ATF7IP2: variants seen among roughly 807,000 people sequenced by gnomAD.
ATF7IP2 encodes activating transcription factor 7-interacting protein 2.
Under a neutral mutation model 64.2 loss-of-function variants are expected in ATF7IP2, and 42 were observed. The observed-to-expected ratio is 0.65, with a 90% CI of 0.51 to 0.85. ATF7IP2 has a LOEUF of 0.85. Among genes scored for constraint, ATF7IP2 ranks in the 40% least tolerant of loss-of-function variants. ATF7IP2 has a pLI of 0.00. For synonymous variants in ATF7IP2, 308 were observed against 272.8 expected (o/e 1.13, Z -1.27); for missense variants, 933 against 784.2 (o/e 1.19, Z -2.27).
At chr16:10,460,947 G>C (rs562576620) in intron 9 of ATF7IP2, among the ~76,000 whole-genome samples, 12 of 152,214 alleles carry the variant, frequency 7.9e-5, no homozygotes, top group African/African-American at 2.6e-4. Context: ...ATAACCTGTA[G>C]AGGACTAGTA....
chr16:10,438,873 T>C (rs902397809), intron 7 of ATF7IP2, among the ~76,000 whole-genome samples: 3 of 151,938 alleles, frequency 2.0e-5, no homozygotes, highest in Non-Finnish European at 4.4e-5. Context: ...GGCAACATAG[T>C]GAAACCCAAT....
chr16:10,438,272 G>C (rs746710772), intron 7 of ATF7IP2, 37 bp downstream of exon 7: 1 of 1,575,420 alleles, frequency 6.3e-7, no homozygotes, highest in South Asian at 1.2e-5. Flanking sequence ...TTTTAGGGGA[G>C]TAGGGGGTGT....
intron 12 of ATF7IP2, among the ~76,000 whole-genome samples, chr16:10,476,236 A>G (rs956787393): frequency 1.3e-5 from 2 of 152,216 alleles, no homozygotes; most frequent in African/African-American, 4.8e-5. Flanking sequence ...GTTTTTGTAA[A>G]AATACCAGTA....
At chr16:10,448,823 T>C (rs574717710) in intron 8 of ATF7IP2, 33 of 152,346 alleles carry the variant, frequency 2.2e-4, no homozygotes, top group African/African-American at 7.7e-4. Flanking sequence ...CTGATTGCCC[T>C]GGCCAGAACT....
intron 8 of ATF7IP2, among the ~76,000 whole-genome samples, chr16:10,452,023 G>C (rs1396631115): frequency 6.6e-6 from 1 of 152,012 alleles, no homozygotes; most frequent in African/African-American, 2.4e-5. Flanking sequence ...CTGCACTCCA[G>C]CCTGGGCGAC....
At chr16:10,476,088 G>C (rs993850052) in intron 12 of ATF7IP2, among the ~76,000 whole-genome samples, 1 of 152,170 alleles carries the variant, frequency 6.6e-6, no homozygotes, top group African/African-American at 2.4e-5. Flanking sequence ...TAAATATTCA[G>C]CTGTTGGCTA....
intron 3 of ATF7IP2, among the ~76,000 whole-genome samples, chr16:10,427,979 G>A (rs1051589186): frequency 6.6e-5 from 10 of 152,106 alleles, no homozygotes; most frequent in Non-Finnish European, 1.5e-4. Flanking sequence ...ATTGCTATAC[G>A]TAAGCACATG....
At chr16:10,410,715 C>T (rs971409280) in intron 1 of ATF7IP2, among the ~76,000 whole-genome samples, 1 of 152,144 alleles carries the variant, frequency 6.6e-6, no homozygotes, top group Non-Finnish European at 1.5e-5. Flanking sequence ...GAGGCCACTG[C>T]GCCTGGCCTA....
chr16:10,420,456 G>T (rs528912803), intron 3 of ATF7IP2, among the ~76,000 whole-genome samples: 2 of 152,212 alleles, frequency 1.3e-5, no homozygotes, highest in Admixed American at 1.3e-4. Flanking sequence ...GTTGGGCATC[G>T]CTGGATAATA....
In ATF7IP2 at chr16:10,429,758, ATTATT is replaced by A. The variant is rs369598763; in HGVS notation, c.-11+756_-11+760del. ...TATTTTATTTTATTTATTTTATTTTATTATTTTATTTTATTTTAATTTAATTTAAT... is the reference window on the plus strand; with the variant it reads ...TATTTTATTTTATTTATTTTATTTTATTATTTTATTTTAATTTAATTTAAT... On this transcript the variant is annotated intron_variant, in intron 4 of 13. Coordinates refer to ENST00000562102, the MANE Select transcript of ATF7IP2 (RefSeq NM_001393719.1). 4.3e-4 allele frequency among the ~76,000 whole-genome samples: 55 copies of A among 128,622 alleles called. No homozygotes were observed. In the East Asian group the frequency reaches 5.5e-3, roughly 13 times the overall value. The allele number at this position is 128,622 out of a possible 152,430, so 84.4% of individuals were successfully genotyped here. A position where few individuals can be genotyped will look rare whatever the true frequency, so the allele number is the denominator to read the frequency against.
intron 1 of ATF7IP2, among the ~76,000 whole-genome samples, chr16:10,407,043 C>G (rs981241903): frequency 6.6e-6 from 1 of 152,088 alleles, no homozygotes; most frequent in African/African-American, 2.4e-5. Context: ...GATTATTAAT[C>G]ATGACTAAGT....
chr16:10,399,961 G>A (rs1289336575), intron 1 of ATF7IP2, among the ~76,000 whole-genome samples: 1 of 152,048 alleles, frequency 6.6e-6, no homozygotes, highest in Non-Finnish European at 1.5e-5. Context: ...ATGGTAAATG[G>A]GATTGCCTTC....
intron 13 of ATF7IP2, 42 bp downstream of exon 13, chr16:10,481,006 T>G: frequency 7.0e-7 from 1 of 1,420,854 alleles, no homozygotes; most frequent in South Asian, 1.2e-5. Flanking sequence ...TTATTCCAAA[T>G]TGAGTGGGAA....
chr16:10,386,828 C>G (rs1482242050), intron 1 of ATF7IP2: 3 of 148,524 alleles, frequency 2.0e-5, no homozygotes, highest in Non-Finnish European at 2.9e-5. Context: ...GTTTGGCAAG[C>G]AAGTTTGAGA....
At chr16:10,397,360 T>A (rs2047440299) in intron 1 of ATF7IP2, among the ~76,000 whole-genome samples, 1 of 152,220 alleles carries the variant, frequency 6.6e-6, no homozygotes, top group Non-Finnish European at 1.5e-5. Flanking sequence ...TATTTTTGAT[T>A]TCTATGAAAA....
At chr16:10,417,933 G>T (rs757706572) in intron 2 of ATF7IP2, among the ~76,000 whole-genome samples, 9 of 152,196 alleles carry the variant, frequency 5.9e-5, no homozygotes, top group Admixed American at 1.3e-4. Context: ...AATTGTGCTG[G>T]AACAATTGGA....
chr16:10,481,074 T>A, intron 13 of ATF7IP2, 110 bp downstream of exon 13: 1 of 761,406 alleles, frequency 1.3e-6, no homozygotes, highest in Non-Finnish European at 2.3e-6. Flanking sequence ...GACAACAATT[T>A]AGTGTGCTGT....
chr16:10,466,378 G>A (rs1471023815), intron 9 of ATF7IP2, among the ~76,000 whole-genome samples: 1 of 152,166 alleles, frequency 6.6e-6, no homozygotes, highest in Non-Finnish European at 1.5e-5. Flanking sequence ...ATACACTTCT[G>A]TTGGACATAT....
chr16:10,482,070 T>C lies in ATF7IP2; in HGVS notation c.1870T>C (p.Leu624=), dbSNP rs1435105959. The change falls in exon 14 of 14, where the codon TTG becomes CTG. Residue 624 remains leucine, a synonymous_variant. Transcript: ENST00000562102. ...FLCHENSNNK[L]IWKKIGEIKA... ...GTGTCATGAGAACTCTAATAATAAG[T>C]TGATTTGGAAGAAGATTGGAGAAAT... is the stretch of plus-strand genomic sequence containing the variant. 6.2e-7 allele frequency: 1 copy of C among 1,614,110 alleles called. No individual in the cohort carries two copies. Among genetic ancestry groups the C allele is most frequent in the South Asian group, 1.1e-5 (1 of 91,076 alleles).
Sources: allele counts gnomAD v4.1 joint callset (sites outside exome capture counted in the v4.1 genomes callset), GRCh38; gene constraint gnomAD v4.1.1; transcripts MANE v1.5; gene names NCBI Gene and HGNC (gene_info 2026-07-23, HGNC 2026-07-21).